LYST: variants seen among roughly 807,000 people sequenced by gnomAD.
The protein encoded by LYST is lysosomal trafficking regulator.
LYST carries 192 observed loss-of-function variants against 413.6 expected under a neutral mutation model. The ratio of observed to expected loss-of-function variants is 0.46; its 90% CI spans 0.41 to 0.52. LYST has a LOEUF of 0.52. LYST is among the 20% of genes least tolerant of loss of function. The pLI is 0.00. For synonymous variants in LYST, 1,525 were observed against 1,567.3 expected (o/e 0.97, Z 0.64); for missense variants, 3,815 against 4,499.9 (o/e 0.85, Z 4.35).
chr1:235,814,294 T>C (rs1413338390), intron 3 of LYST, among the ~76,000 whole-genome samples: 1 of 151,978 alleles, frequency 6.6e-6, no homozygotes, highest in Non-Finnish European at 1.5e-5. Context: ...AGACAGTAAA[T>C]ATATAGATCT....
intron 47 of LYST, among the ~76,000 whole-genome samples, chr1:235,689,784 TTTTA>T (rs1045740133): frequency 7.9e-5 from 12 of 152,324 alleles, no homozygotes; most frequent in African/African-American, 2.9e-4. Context: ...ATATATACAA[TTTTA>T]TTTGTCAATT....
intron 3 of LYST, among the ~76,000 whole-genome samples, chr1:235,822,141 A>ATG: frequency 6.6e-6 from 1 of 152,346 alleles, no homozygotes; most frequent in South Asian, 2.1e-4. Flanking sequence ...CAAAATGAAA[A>ATG]AAGGCCTCTG....
At chr1:235,765,781 C>T (rs1297305399) in intron 21 of LYST, among the ~76,000 whole-genome samples, 1 of 152,160 alleles carries the variant, frequency 6.6e-6, no homozygotes, top group Non-Finnish European at 1.5e-5. Flanking sequence ...ATGAAACCCT[C>T]TGTCCACTGA....
intron 19 of LYST, among the ~76,000 whole-genome samples, 163 bp downstream of exon 19, chr1:235,773,679 A>G (rs374526313): frequency 2.6e-5 from 4 of 152,342 alleles, no homozygotes; most frequent in African/African-American, 9.6e-5. Context: ...TGGTTTTACA[A>G]AACAAAAAAG....
rs183296507 is a variant in LYST, at chr1:235,661,834, G to A, written c.*1106C>T. ...AGCCATCATATGGGAGAGACAGACGGCTCCAAGATGTTTAGGAATTCTGTC... is the reference window on the plus strand; with the variant it reads ...AGCCATCATATGGGAGAGACAGACGACTCCAAGATGTTTAGGAATTCTGTC... On this transcript the variant is annotated 3_prime_UTR_variant, in exon 53 of 53. Coordinates refer to ENST00000389793, the MANE Select transcript of LYST (RefSeq NM_000081.4). 1.3e-5 allele frequency: 2 copies of A among 152,682 alleles called. No homozygotes were observed. The highest frequency in any genetic ancestry group is 1.3e-4 in the Admixed American group (2 of 15,298). The allele number at this position is 152,682 out of a possible 1,614,324, so 9.5% of individuals were successfully genotyped here. A position where few individuals can be genotyped will look rare whatever the true frequency, so the allele number is the denominator to read the frequency against.
chr1:235,677,672 G>A, intron 48 of LYST, 53 bp from the exon 49 acceptor site: 1 of 1,379,172 alleles, frequency 7.3e-7, no homozygotes. Flanking sequence ...AAGTACTCTA[G>A]TATAGTATCT....
chr1:235,682,548 G>C lies in LYST; in HGVS notation c.10800+4401C>G, dbSNP rs577800247. ...AGAAAGGAAAGTATCAGACAACCTG[G>C]GGCTGGAACACAATGCACAGCTCTT... is the stretch of plus-strand genomic sequence containing the variant. On this transcript the variant is annotated intron_variant, in intron 48 of 52. Coordinates refer to ENST00000389793, the MANE Select transcript of LYST (RefSeq NM_000081.4). Among the ~76,000 whole-genome samples, 4 of 152,242 alleles carry C rather than the reference G, an allele frequency of 2.6e-5. No homozygotes were observed. In the East Asian group the frequency reaches 5.8e-4, roughly 22 times the overall value.
intron 1 of LYST, among the ~76,000 whole-genome samples, chr1:235,845,642 A>AG (rs34968386): frequency 0.46 from 70,052 of 151,742 alleles, 18,228 homozygotes; most frequent in African/African-American, 0.7. Context: ...CCCGGCAGTT[A>AG]GGGGGGACAC....
intron 52 of LYST, 151 bp downstream of exon 52, chr1:235,663,833 G>C: frequency 1.4e-6 from 1 of 692,758 alleles, no homozygotes; most frequent in Non-Finnish European, 2.6e-6. Flanking sequence ...CTTGCTGCTG[G>C]GTCACGGACA....
chr1:235,794,428 C>T (rs1387727699), intron 10 of LYST, among the ~76,000 whole-genome samples: 2 of 152,114 alleles, frequency 1.3e-5, no homozygotes, highest in Non-Finnish European at 2.9e-5. Context: ...TGGTGATATA[C>T]AAATTCATAG....
intron 50 of LYST, among the ~76,000 whole-genome samples, chr1:235,670,496 T>A (rs977855001): frequency 6.6e-6 from 1 of 152,162 alleles, no homozygotes; most frequent in Admixed American, 6.5e-5. Context: ...GGGTCTCCAA[T>A]CATCTCTTGT....
chr1:235,792,256 T>C (rs1464762854), intron 11 of LYST, 131 bp from the exon 12 acceptor site: 8 of 644,842 alleles, frequency 1.2e-5, no homozygotes, highest in Non-Finnish European at 2.2e-5. Context: ...AATACCTTCC[T>C]ATCTCCCACA....
intron 10 of LYST, among the ~76,000 whole-genome samples, chr1:235,799,192 G>C (rs1226336965): frequency 6.6e-6 from 1 of 152,028 alleles, no homozygotes; most frequent in Non-Finnish European, 1.5e-5. Context: ...AATAAATGAA[G>C]GAATGATGGA....
intron 12 of LYST, among the ~76,000 whole-genome samples, chr1:235,790,606 C>T (rs1296478520): frequency 1.3e-5 from 2 of 152,184 alleles, no homozygotes; most frequent in African/African-American, 4.8e-5. Context: ...TGAAGAGCTA[C>T]TGAGGCCTGC....
intron 34 of LYST, among the ~76,000 whole-genome samples, chr1:235,733,112 A>G (rs908229866): frequency 1.3e-5 from 2 of 152,170 alleles, no homozygotes; most frequent in Non-Finnish European, 2.9e-5. Context: ...AGTCACATGA[A>G]TAAGTTATCT....
At chr1:235,838,768 C>A (rs1413902564) in intron 1 of LYST, among the ~76,000 whole-genome samples, 2 of 152,266 alleles carry the variant, frequency 1.3e-5, no homozygotes, top group East Asian at 3.9e-4. Flanking sequence ...ACAATCTCCT[C>A]CCCAATCTTG....
At chr1:235,834,169 T>A (rs1676288590) in intron 1 of LYST, among the ~76,000 whole-genome samples, 1 of 152,226 alleles carries the variant, frequency 6.6e-6, no homozygotes, top group African/African-American at 2.4e-5. Flanking sequence ...TTGAAGTTTT[T>A]AAATGAATTA....
At chr1:235,814,433 C>T (rs1053390514) in intron 3 of LYST, among the ~76,000 whole-genome samples, 1 of 152,062 alleles carries the variant, frequency 6.6e-6, no homozygotes, top group Non-Finnish European at 1.5e-5. Context: ...AATGAAACTC[C>T]GGACTTTAAA....
intron 44 of LYST, among the ~76,000 whole-genome samples, chr1:235,704,156 T>C (rs979063817): frequency 6.6e-6 from 1 of 152,226 alleles, no homozygotes; most frequent in Non-Finnish European, 1.5e-5. Flanking sequence ...CAATCTGTCA[T>C]TGATAGCCAT....
Sources: allele counts gnomAD v4.1 joint callset (sites outside exome capture counted in the v4.1 genomes callset), GRCh38; gene constraint gnomAD v4.1.1; transcripts MANE v1.5; gene names NCBI Gene and HGNC (gene_info 2026-07-23, HGNC 2026-07-21).